Variants in GRID2 observed in about 807,000 individuals in gnomAD.
The protein encoded by GRID2 is glutamate ionotropic receptor delta type subunit 2, also known as glutamate receptor ionotropic, delta-2.
In GRID2, 33 loss-of-function variants were observed where a neutral mutation model predicts 114.8. That is an observed-to-expected ratio of 0.29 (90% CI 0.22 to 0.38). The LOEUF (loss-of-function observed/expected upper bound fraction) is 0.38. GRID2 is among the 10% of genes least tolerant of loss of function. The pLI, the probability that GRID2 is intolerant of heterozygous loss-of-function variation, is 1.00. For synonymous variants in GRID2, 505 were observed against 449.9 expected (o/e 1.12, Z -1.55); for missense variants, 1,184 against 1,257.7 (o/e 0.94, Z 0.89).
chr4:92,441,419 G>A (rs935414721), intron 1 of GRID2, among the ~76,000 whole-genome samples: 3 of 152,066 alleles, frequency 2.0e-5, no homozygotes. Context: ...TGGGATTAAG[G>A]GGCAAAGGAA....
At chr4:92,504,823 G>A (rs1484287574) in intron 1 of GRID2, among the ~76,000 whole-genome samples, 1 of 151,770 alleles carries the variant, frequency 6.6e-6, no homozygotes, top group African/African-American at 2.4e-5. Context: ...TGTTATCAAA[G>A]AGAAAACATT....
At chr4:92,582,017 G>A (rs1419749469) in intron 1 of GRID2, among the ~76,000 whole-genome samples, 1 of 151,810 alleles carries the variant, frequency 6.6e-6, no homozygotes, top group African/African-American at 2.4e-5. Context: ...AATTATGGTG[G>A]GTGGAATGGA....
chr4:93,466,185 C>T lies in GRID2; in HGVS notation c.1858+10211C>T, dbSNP rs1396868539. 2.0e-5 allele frequency among the ~76,000 whole-genome samples: 3 copies of T among 152,276 alleles called. No homozygotes were observed. In the East Asian group the frequency reaches 5.8e-4, roughly 29 times the overall value. On this transcript the variant is annotated intron_variant, in intron 11 of 15. Transcript: ENST00000282020. ...TAGTTTCTAAACTAAGCAATGTTCA[C>T]AAACTGCCACTGATGGCAGTCTGAA... is the stretch of plus-strand genomic sequence containing the variant.
chr4:93,137,966 GTTTT>G (rs753814961), intron 4 of GRID2, among the ~76,000 whole-genome samples: 3 of 78,378 alleles, frequency 3.8e-5, no homozygotes, highest in Non-Finnish European at 4.8e-5. Flanking sequence ...TTTTTTCTTC[GTTTT>G]TTTTTTTTTT....
At chr4:93,265,617 A>G (rs955182524) in intron 8 of GRID2, among the ~76,000 whole-genome samples, 5 of 152,222 alleles carry the variant, frequency 3.3e-5, no homozygotes, top group African/African-American at 1.2e-4. Context: ...ACCCAGAACA[A>G]TTCTAACATG....
At chr4:93,267,983 T>C (rs1306358721) in intron 8 of GRID2, among the ~76,000 whole-genome samples, 4 of 152,190 alleles carry the variant, frequency 2.6e-5, no homozygotes, top group Admixed American at 2.0e-4. Flanking sequence ...CCCTGCGGCC[T>C]GGATTGCCTG....
chr4:92,837,345 T>C (rs1346573384), intron 2 of GRID2, among the ~76,000 whole-genome samples: 1 of 152,046 alleles, frequency 6.6e-6, no homozygotes, highest in Non-Finnish European at 1.5e-5. Flanking sequence ...GGTCCATTTC[T>C]ATGTTTACCC....
At chr4:93,552,239 A>G (rs1425612499) in intron 13 of GRID2, among the ~76,000 whole-genome samples, 1 of 151,940 alleles carries the variant, frequency 6.6e-6, no homozygotes, top group Admixed American at 6.6e-5. Context: ...ATAGTATTCC[A>G]TGGTGTATAT....
chr4:93,049,671 G>C (rs1553973393), intron 2 of GRID2, among the ~76,000 whole-genome samples: 1 of 151,738 alleles, frequency 6.6e-6, no homozygotes, highest in Non-Finnish European at 1.5e-5. Context: ...CCAGGGAAAT[G>C]AAAAATATTT....
intron 11 of GRID2, among the ~76,000 whole-genome samples, chr4:93,470,690 T>C (rs1179089565): frequency 6.6e-6 from 1 of 152,126 alleles, no homozygotes; most frequent in Non-Finnish European, 1.5e-5. Flanking sequence ...TTTTTCAATG[T>C]AGTTTCATAA....
intron 2 of GRID2, among the ~76,000 whole-genome samples, chr4:92,709,111 G>A (rs183615875): frequency 2.6e-5 from 4 of 152,088 alleles, no homozygotes; most frequent in East Asian, 3.9e-4. Flanking sequence ...CCACTTTTAC[G>A]TTTCTTATAA....
At chr4:93,322,060 A>G (rs1245947031) in intron 8 of GRID2, among the ~76,000 whole-genome samples, 1 of 102,626 alleles carries the variant, frequency 9.7e-6, no homozygotes, top group East Asian at 2.4e-4. Flanking sequence ...TTTTTTTATT[A>G]TTATACATTA....
chr4:93,136,582 C>T (rs1735270187), intron 4 of GRID2, among the ~76,000 whole-genome samples: 1 of 151,952 alleles, frequency 6.6e-6, no homozygotes, highest in South Asian at 2.1e-4. Flanking sequence ...AAATACTGAC[C>T]AGTCTTGTTT....
chr4:92,459,572 T>C (rs1404616218), intron 1 of GRID2, among the ~76,000 whole-genome samples: 1 of 152,144 alleles, frequency 6.6e-6, no homozygotes, highest in Non-Finnish European at 1.5e-5. Context: ...ATTCTCTCCT[T>C]TCCTTTCTAT....
At chr4:92,727,997 A>G (rs1375984229) in intron 2 of GRID2, among the ~76,000 whole-genome samples, 1 of 152,208 alleles carries the variant, frequency 6.6e-6, no homozygotes, top group Admixed American at 6.6e-5. Context: ...AATTTAGAAC[A>G]TGTTCAAGAA....
At chr4:93,019,450 T>C (rs988322472) in intron 2 of GRID2, among the ~76,000 whole-genome samples, 4 of 152,212 alleles carry the variant, frequency 2.6e-5, no homozygotes, top group African/African-American at 9.6e-5. Flanking sequence ...ATTTAACCAA[T>C]TGCTGTGATC....
Position 92,690,887 on chromosome 4 carries a change from A to G in GRID2, c.244+100601A>G, listed in dbSNP as rs535508019. On this transcript the variant is annotated intron_variant, in intron 2 of 15. Transcript: ENST00000282020. ...TTCTTCCAAATCATGGAGCTAATAC[A>G]TAGCTTATTTTTATTTTTATTGTGT... is the stretch of plus-strand genomic sequence containing the variant. 6.6e-5 allele frequency among the ~76,000 whole-genome samples: 10 copies of G among 152,130 alleles called. 1 individual carries two copies. In the South Asian group the frequency reaches 1.7e-3, roughly 25 times the overall value.
chr4:92,764,326 C>T (rs1388092953), intron 2 of GRID2, among the ~76,000 whole-genome samples: 2 of 152,034 alleles, frequency 1.3e-5, no homozygotes, highest in African/African-American at 4.8e-5. Context: ...GGGAAGCATC[C>T]CAAAATAGTA....
rs1489400594 is a variant in GRID2 at position 93,643,970 on chromosome 4, G to C, written c.2360+17535G>C. On this transcript the variant is annotated intron_variant, in intron 14 of 15. Transcript: ENST00000282020. ...CTGTGCTAGCAATCCGCGAGATTCC[G>C]TGGGCGTAGGACCCTCCGAGCCAGG... 2.0e-5 allele frequency among the ~76,000 whole-genome samples: 2 copies of C among 101,482 alleles called. 1 individual carries two copies. Among genetic ancestry groups the C allele is most frequent in the African/African-American group, 1.1e-4 (2 of 17,876 alleles). The allele number at this position is 101,482 out of a possible 152,430, so 66.6% of individuals were successfully genotyped here. A position where few individuals can be genotyped will look rare whatever the true frequency, so the allele number is the denominator to read the frequency against.
Sources: gnomAD v4.1 joint callset for allele counts (sites outside exome capture counted in the v4.1 genomes callset) on GRCh38, gnomAD v4.1.1 for gene constraint, MANE v1.5 for transcripts, NCBI Gene and HGNC (gene_info 2026-07-23, HGNC 2026-07-21) for gene names.